Variants in PDZRN4 observed in about 807,000 individuals in gnomAD.
The protein encoded by PDZRN4 is PDZ domain containing ring finger 4.
PDZRN4 carries 70 observed loss-of-function variants against 99.0 expected under a neutral mutation model. That is an observed-to-expected ratio of 0.71 (90% CI 0.58 to 0.86). PDZRN4 has a LOEUF of 0.86. PDZRN4 is among the 40% of genes least tolerant of loss of function. PDZRN4 has a pLI of 0.00. For missense variants in PDZRN4, 1,474 were observed against 1,331.2 expected (o/e 1.11, Z -1.67); for synonymous variants, 551 against 501.6 (o/e 1.10, Z -1.32).
At chr12:41,510,657 T>C (rs1352016594) in intron 5 of PDZRN4, among the ~76,000 whole-genome samples, 2 of 152,154 alleles carry the variant, frequency 1.3e-5, no homozygotes, top group Non-Finnish European at 2.9e-5. Flanking sequence ...AGAGAACCCA[T>C]GGTCACCTGC....
intron 3 of PDZRN4, among the ~76,000 whole-genome samples, chr12:41,424,250 C>T (rs189584167): frequency 2.2e-4 from 33 of 152,236 alleles, no homozygotes; most frequent in Non-Finnish European, 2.1e-4. Flanking sequence ...ATTTCTGAAA[C>T]GGACAGTGAT....
intron 3 of PDZRN4, among the ~76,000 whole-genome samples, chr12:41,309,082 A>T (rs1026406879): frequency 1.3e-5 from 2 of 152,180 alleles, no homozygotes; most frequent in Admixed American, 1.3e-4. Flanking sequence ...CCTCAAAAAC[A>T]ATACTATAAA....
chr12:41,477,313 A>T (rs1937612609), intron 3 of PDZRN4, among the ~76,000 whole-genome samples: 1 of 152,200 alleles, frequency 6.6e-6, no homozygotes, highest in African/African-American at 2.4e-5. Flanking sequence ...TGGGAATTAA[A>T]TAGTAAGTAG....
chr12:41,351,334 G>A (rs1422474300), intron 3 of PDZRN4, among the ~76,000 whole-genome samples: 1 of 152,094 alleles, frequency 6.6e-6, no homozygotes, highest in Non-Finnish European at 1.5e-5. Flanking sequence ...CTTCTGTAAA[G>A]AGTTTGAAAG....
intron 9 of PDZRN4, among the ~76,000 whole-genome samples, chr12:41,571,207 TA>T (rs1255669203): frequency 6.6e-6 from 1 of 152,124 alleles, no homozygotes; most frequent in East Asian, 1.9e-4. Context: ...AACTGCCTTA[TA>T]GATTATCATA....
chr12:41,400,121 A>G (rs1191871534), intron 3 of PDZRN4, among the ~76,000 whole-genome samples: 1 of 152,200 alleles, frequency 6.6e-6, no homozygotes, highest in Admixed American at 6.5e-5. Context: ...GCTGGTTGCA[A>G]GAATATGAGA....
chr12:41,266,562 G>C (rs1951278570), intron 3 of PDZRN4, among the ~76,000 whole-genome samples: 1 of 152,072 alleles, frequency 6.6e-6, no homozygotes, highest in South Asian at 2.1e-4. Context: ...ACTCACCTTA[G>C]GAAAAGATAC....
chr12:41,440,468 C>T (rs1055346525), intron 3 of PDZRN4, among the ~76,000 whole-genome samples: 2 of 152,092 alleles, frequency 1.3e-5, no homozygotes, highest in Admixed American at 6.5e-5. Flanking sequence ...TGGTTTATAA[C>T]TGCAGTAAAC....
At chr12:41,443,926 A>T (rs1288562386) in intron 3 of PDZRN4, among the ~76,000 whole-genome samples, 2 of 152,174 alleles carry the variant, frequency 1.3e-5, no homozygotes, top group Non-Finnish European at 2.9e-5. Context: ...ACCCAGGCAG[A>T]TGTGATAAGT....
At chr12:41,467,841 A>G (rs1355752608) in intron 3 of PDZRN4, among the ~76,000 whole-genome samples, 1 of 152,172 alleles carries the variant, frequency 6.6e-6, no homozygotes, top group Non-Finnish European at 1.5e-5. Context: ...TATTCCATGA[A>G]TCATTCATAA....
intron 1 of PDZRN4, among the ~76,000 whole-genome samples, chr12:41,189,885 T>C (rs1419559837): frequency 6.6e-6 from 1 of 152,106 alleles, no homozygotes; most frequent in Non-Finnish European, 1.5e-5. Flanking sequence ...AGCGGTTGTT[T>C]CCCTTCTTTG....
chr12:41,466,751 G>GTTTTTTTTTTTTTTTTTTTTGTT (rs61259671), intron 3 of PDZRN4, among the ~76,000 whole-genome samples: 1 of 122,172 alleles, frequency 8.2e-6, no homozygotes. Flanking sequence ...TATTTCCAGT[G>GTTTTTTTTTTTTTTTTTTTTGTT]TTTTTTTTTT....
At chr12:41,215,940 C>T (rs749616625) in intron 3 of PDZRN4, among the ~76,000 whole-genome samples, 1 of 151,816 alleles carries the variant, frequency 6.6e-6, no homozygotes, top group Non-Finnish European at 1.5e-5. Context: ...TACATGAAAG[C>T]ATTTTGTAAA....
At chr12:41,354,534 G>A (rs746174795) in intron 3 of PDZRN4, among the ~76,000 whole-genome samples, 1 of 151,846 alleles carries the variant, frequency 6.6e-6, no homozygotes, top group African/African-American at 2.4e-5. Context: ...TTATATTATG[G>A]GCTGATAGAA....
intron 3 of PDZRN4, among the ~76,000 whole-genome samples, chr12:41,392,664 A>G (rs1261314240): frequency 6.6e-6 from 1 of 152,152 alleles, no homozygotes; most frequent in Non-Finnish European, 1.5e-5. Flanking sequence ...ATTGAATCCT[A>G]TTGGAAATAG....
intron 5 of PDZRN4, among the ~76,000 whole-genome samples, chr12:41,529,617 T>C (rs867258611): frequency 6.6e-6 from 1 of 152,238 alleles, no homozygotes; most frequent in African/African-American, 2.4e-5. Context: ...TTATTCATTA[T>C]AAGTCACAAA....
At chr12:41,569,369 C>T (rs1447727707) in intron 9 of PDZRN4, among the ~76,000 whole-genome samples, 1 of 152,074 alleles carries the variant, frequency 6.6e-6, no homozygotes, top group Non-Finnish European at 1.5e-5. Context: ...GTCCACCAGC[C>T]TCAGCTTCTT....
chr12:41,248,732 C>A (rs774085864), intron 3 of PDZRN4, among the ~76,000 whole-genome samples: 1 of 152,024 alleles, frequency 6.6e-6, no homozygotes, highest in Non-Finnish European at 1.5e-5. Flanking sequence ...ATTCTACCAG[C>A]AGTCTTAGAA....
At chr12:41,439,109 G>A (rs917431255) in intron 3 of PDZRN4, among the ~76,000 whole-genome samples, 2 of 152,146 alleles carry the variant, frequency 1.3e-5, no homozygotes, top group Non-Finnish European at 2.9e-5. Context: ...CATTTTCATG[G>A]TAATGTGATC....
Sources: gnomAD v4.1 joint callset for allele counts (sites outside exome capture counted in the v4.1 genomes callset) on GRCh38, gnomAD v4.1.1 for gene constraint, MANE v1.5 for transcripts, NCBI Gene and HGNC (gene_info 2026-07-23, HGNC 2026-07-21) for gene names.